CASD1: variants seen among roughly 807,000 people sequenced by gnomAD.
CASD1 encodes the protein CAS1 domain sialic acid O acetyltransferase 1.
A neutral mutation model predicts 100.0 loss-of-function variants in CASD1; 41 were observed. That is an observed-to-expected ratio of 0.41 (90% CI 0.32 to 0.53). The LOEUF (loss-of-function observed/expected upper bound fraction) is 0.53, where lower values mean the gene tolerates loss of function less well. CASD1 is among the 20% of genes least tolerant of loss of function. CASD1 has a pLI of 0.25. For missense variants in CASD1, 774 were observed against 948.7 expected (o/e 0.82, Z 2.42); for synonymous variants, 321 against 315.6 (o/e 1.02, Z -0.18).
chr7:94,555,327 G>A (rs913818146), intron 17 of CASD1, among the ~76,000 whole-genome samples, 165 bp from the exon 18 acceptor site: 1 of 151,958 alleles, frequency 6.6e-6, no homozygotes, highest in African/African-American at 2.4e-5. Flanking sequence ...GAGTTCTAAG[G>A]AGTAGACTGC....
At chr7:94,632,167 T>G in the CASD1 span, among the ~76,000 whole-genome samples, 1 of 152,018 alleles carries the variant, frequency 6.6e-6, no homozygotes, top group African/African-American at 2.4e-5. Flanking sequence ...TATTTGCTGC[T>G]ATAAGGTGGT....
chr7:94,599,887 G>A, the CASD1 span: 2 of 618,688 alleles, frequency 3.2e-6, no homozygotes, highest in South Asian at 2.0e-5. Context: ...GCTTGGATGA[G>A]TACACATACA....
At chr7:94,588,534 CTAT>C in the CASD1 span, 1 of 1,475,686 alleles carries the variant, frequency 6.8e-7, no homozygotes, top group Non-Finnish European at 8.9e-7. Flanking sequence ...ATAATCTAAG[CTAT>C]TATTCTGAGG....
At chr7:94,567,528 A>G in the CASD1 span, among the ~76,000 whole-genome samples, 1 of 152,166 alleles carries the variant, frequency 6.6e-6, no homozygotes, top group African/African-American at 2.4e-5. Flanking sequence ...TGAAAATACC[A>G]GTGCAGTAAG....
At chr7:94,599,392 A>G in the CASD1 span, 1 of 354,242 alleles carries the variant, frequency 2.8e-6, no homozygotes, top group Non-Finnish European at 5.1e-6. Flanking sequence ...AGGTCTTTTC[A>G]TCTGTTCTCT....
chr7:94,628,077 A>G, the CASD1 span: 1 of 717,356 alleles, frequency 1.4e-6, no homozygotes, highest in Non-Finnish European at 2.4e-6. Context: ...TTCCATGCAC[A>G]AAATATTAAA....
chr7:94,633,868 G>A, the CASD1 span, among the ~76,000 whole-genome samples: 21,746 of 152,112 alleles, frequency 0.14, 1,684 homozygotes, highest in South Asian at 0.25. Context: ...TTAATGGCAT[G>A]TGCATAAGCA....
the CASD1 span, chr7:94,627,579 T>C: frequency 6.6e-6 from 1 of 152,400 alleles, no homozygotes; most frequent in Non-Finnish European, 1.5e-5. Context: ...TTCTTATACC[T>C]CTAAGATTTT....
At chr7:94,532,424 C>G (rs1794895999) in intron 5 of CASD1, among the ~76,000 whole-genome samples, 1 of 152,024 alleles carries the variant, frequency 6.6e-6, no homozygotes, top group Admixed American at 6.6e-5. Flanking sequence ...GAGACGGCCA[C>G]TAAGTGACTA....
At chr7:94,546,065 C>A (rs1292158678) in intron 12 of CASD1, among the ~76,000 whole-genome samples, 1 of 151,728 alleles carries the variant, frequency 6.6e-6, no homozygotes, top group Non-Finnish European at 1.5e-5. Context: ...GCCTCCATGC[C>A]CCTATGTTTT....
downstream of CASD1, among the ~76,000 whole-genome samples, chr7:94,560,360 C>T (rs931567774): frequency 2.6e-5 from 4 of 152,152 alleles, no homozygotes; most frequent in African/African-American, 9.7e-5. Context: ...CCTCTAGACC[C>T]TGTCACTGGG....
In CASD1 at chr7:94,535,406, T is replaced by C; in HGVS notation, c.726T>C (p.Ser242=). ...AAGCTGCAGTCAGTATTTTGAATAG[T>C]AGCACCAGAAATTCTAAATCAAATG... The part of the protein sequence containing the change: ...YNEAAVSILN[S]STRNSKSNVK... Residue 242 remains serine, a synonymous_variant, in exon 8 of 18, where the codon AGT becomes AGC. Transcript: ENST00000297273. The C allele has an allele frequency of 6.2e-7, 1 of 1,613,120 alleles. No homozygotes were observed. The highest frequency in any genetic ancestry group is 8.5e-7 in the Non-Finnish European group (1 of 1,179,256).
At chr7:94,580,657 C>T in the CASD1 span, among the ~76,000 whole-genome samples, 11 of 152,188 alleles carry the variant, frequency 7.2e-5, no homozygotes. Flanking sequence ...CAACAGATGG[C>T]CTTAGAACTC....
Position 94,555,669 on chromosome 7 carries a change from T to A in CASD1, c.2305T>A (p.Ser769Thr), listed in dbSNP as rs1562952270. 1 of 1,613,286 alleles carries A rather than the reference T, an allele frequency of 6.2e-7. No individual in the cohort carries two copies. Among genetic ancestry groups the A allele is most frequent in the Non-Finnish European group, 8.5e-7 (1 of 1,179,554 alleles). The part of the protein sequence containing the change: ...LAQIIIPKDN[S>T]SLLKRLACIA... ...ACAGATTATTATTCCTAAAGATAAC[T>A]CATCTCTCTTGAAAAGGTTGGCATG... Residue 769 changes from serine to threonine, a missense_variant, in exon 18 of 18, where the codon TCA becomes ACA. By Grantham distance (58) the Ser-to-Thr change is moderately conservative. Coordinates refer to ENST00000297273, the MANE Select transcript of CASD1 (RefSeq NM_022900.5).
At position 94,555,718 on chromosome 7, in the gene CASD1, T is replaced by C; in HGVS notation, c.2354T>C (p.Leu785Pro). Reference sequence around the variant, plus strand: ...TGTATAGCTGCATTTTTTTGTGGACTCCTCATCTTATCATCCATTCAAGAT... The same window carrying C: ...TGTATAGCTGCATTTTTTTGTGGACCCCTCATCTTATCATCCATTCAAGAT... ...LACIAAFFCG[L>P]LILSSIQDKS... is the part of the protein sequence containing the mutation. The change falls in exon 18 of 18, where the codon CTC becomes CCC. Residue 785 changes from leucine to proline, a missense_variant. Leu to Pro is a moderately conservative substitution (Grantham distance 98). This residue lies in a region of CASD1 where 175 missense variants were observed against 206.9 expected (regional missense o/e 0.85). Transcript: ENST00000297273. The C allele has an allele frequency of 6.2e-7, 1 of 1,613,232 alleles. No homozygotes were observed. Among genetic ancestry groups the C allele is most frequent in the Non-Finnish European group, 8.5e-7 (1 of 1,179,512 alleles).
downstream of CASD1, among the ~76,000 whole-genome samples, chr7:94,560,965 C>T (rs1796329426): frequency 6.6e-6 from 1 of 152,012 alleles, no homozygotes; most frequent in Admixed American, 6.6e-5. Context: ...TTTCAGTATG[C>T]CCAAAAACAT....
the CASD1 span, chr7:94,625,125 C>T: frequency 6.6e-6 from 1 of 151,656 alleles, no homozygotes; most frequent in Admixed American, 6.6e-5. Flanking sequence ...TTTTTGATTC[C>T]CCAATTTCTA....
chr7:94,583,988 C>T, the CASD1 span, among the ~76,000 whole-genome samples: 2 of 152,204 alleles, frequency 1.3e-5, no homozygotes, highest in South Asian at 2.1e-4. Flanking sequence ...CACTTTTTCA[C>T]GGGGAACTGC....
chr7:94,598,335 A>C, the CASD1 span: 1 of 187,954 alleles, frequency 5.3e-6, no homozygotes, highest in Non-Finnish European at 1.1e-5. Flanking sequence ...CATAAAAAAC[A>C]ACCCAAACAC....
Sources: allele counts gnomAD v4.1 joint callset (sites outside exome capture counted in the v4.1 genomes callset), GRCh38; gene constraint gnomAD v4.1.1; regional missense constraint gnomAD v4.1.1; transcripts MANE v1.5; gene names NCBI Gene and HGNC (gene_info 2026-07-23, HGNC 2026-07-21).